LUZP2: variants seen among roughly 807,000 people sequenced by gnomAD.
LUZP2 encodes the protein leucine zipper protein 2.
A neutral mutation model predicts 51.6 loss-of-function variants in LUZP2; 52 were observed. That is an observed-to-expected ratio of 1.01 (90% CI 0.81 to 1.27). The LOEUF is 1.27. Among genes scored for constraint, LUZP2 ranks in the 50% most tolerant of loss-of-function variants. The pLI is 0.00. For synonymous variants in LUZP2, 154 were observed against 137.3 expected (o/e 1.12, Z -0.85); for missense variants, 436 against 395.4 (o/e 1.10, Z -0.87).
intron 5 of LUZP2, among the ~76,000 whole-genome samples, chr11:24,887,124 C>T (rs183167986): frequency 5.9e-5 from 9 of 152,228 alleles, no homozygotes; most frequent in East Asian, 3.9e-4. Context: ...CTGCTGGGAA[C>T]GCTATGGACC....
chr11:24,815,158 CT>C (rs1850141941), intron 5 of LUZP2, among the ~76,000 whole-genome samples: 1 of 152,004 alleles, frequency 6.6e-6, no homozygotes, highest in Non-Finnish European at 1.5e-5. Context: ...GTGTTCAATT[CT>C]TCATAATTAA....
intron 9 of LUZP2, among the ~76,000 whole-genome samples, chr11:25,005,091 A>T (rs1856797035): frequency 6.6e-6 from 1 of 152,130 alleles, no homozygotes; most frequent in Admixed American, 6.5e-5. Flanking sequence ...GGGAGAAGGG[A>T]CATGTACCCA....
chr11:24,602,076 A>ATATATGTATATATGTG (rs1853690309), intron 1 of LUZP2, among the ~76,000 whole-genome samples: 3 of 125,204 alleles, frequency 2.4e-5, no homozygotes, highest in African/African-American at 1.0e-4. Flanking sequence ...ATATATGCGT[A>ATATATGTATATATGTG]TATATGTGTA....
At chr11:24,795,966 T>G (rs577293067) in intron 5 of LUZP2, among the ~76,000 whole-genome samples, 1 of 152,244 alleles carries the variant, frequency 6.6e-6, no homozygotes, top group African/African-American at 2.4e-5. Context: ...CAAGAACTTC[T>G]CAGGTGATCC....
chr11:24,953,087 A>G (rs1341574692), intron 7 of LUZP2, among the ~76,000 whole-genome samples: 1 of 151,992 alleles, frequency 6.6e-6, no homozygotes. Context: ...AAATGCATTA[A>G]AATAAATTTA....
intron 5 of LUZP2, among the ~76,000 whole-genome samples, chr11:24,875,058 A>G (rs1048096296): frequency 6.6e-6 from 1 of 151,998 alleles, no homozygotes; most frequent in Non-Finnish European, 1.5e-5. Flanking sequence ...AGCCCCTTTC[A>G]ATTTGTATCC....
intron 1 of LUZP2, among the ~76,000 whole-genome samples, chr11:24,528,662 T>C (rs1850895858): frequency 6.6e-6 from 1 of 151,200 alleles, no homozygotes; most frequent in South Asian, 2.1e-4. Flanking sequence ...CTTTACCCTC[T>C]GATCATTTTC....
At chr11:24,915,964 A>G (rs141547322) in intron 7 of LUZP2, among the ~76,000 whole-genome samples, 1 of 152,256 alleles carries the variant, frequency 6.6e-6, no homozygotes, top group East Asian at 1.9e-4. Context: ...GGATATGTTC[A>G]ATTTTGAATA....
rs545207471 is a variant in LUZP2 at position 24,746,643 on chromosome 11, G to T, written c.333+8341G>T. Among the ~76,000 whole-genome samples the T allele has an allele frequency of 3.6e-4, 55 of 152,204 alleles. No individual in the cohort carries two copies. The East Asian group carries it at 9.3e-3, about 26-fold the overall frequency. On this transcript the variant is annotated intron_variant, in intron 4 of 11. Coordinates refer to ENST00000336930, the MANE Select transcript of LUZP2 (RefSeq NM_001009909.4). Reference sequence around the variant, plus strand: ...TTTCTTCAATTATTCCCCCAAATAGGTTTTCCAAACTTTTAGATTTATCTT... The same window carrying T: ...TTTCTTCAATTATTCCCCCAAATAGTTTTTCCAAACTTTTAGATTTATCTT...
intron 5 of LUZP2, among the ~76,000 whole-genome samples, chr11:24,797,462 A>G (rs1243309498): frequency 1.3e-5 from 2 of 152,196 alleles, no homozygotes; most frequent in East Asian, 3.9e-4. Context: ...TGCAAGGGAC[A>G]TAATTATCCC....
At chr11:24,958,600 GT>G (rs1259157291) in intron 7 of LUZP2, among the ~76,000 whole-genome samples, 1 of 151,538 alleles carries the variant, frequency 6.6e-6, no homozygotes, top group Non-Finnish European at 1.5e-5. Context: ...TGATGGGGTT[GT>G]TTGTTTTTTT....
intron 6 of LUZP2, 76 bp from the exon 7 acceptor site, chr11:24,914,400 A>C: frequency 9.3e-7 from 1 of 1,070,408 alleles, no homozygotes; most frequent in South Asian, 1.3e-5. Flanking sequence ...ATTCCTGTGA[A>C]GTCTGAAAGT....
chr11:25,010,677 C>T (rs1051058681), intron 9 of LUZP2, among the ~76,000 whole-genome samples: 7 of 123,030 alleles, frequency 5.7e-5, no homozygotes, highest in African/African-American at 1.5e-4. Flanking sequence ...GGTGAAACCC[C>T]ATCTCTACAA....
chr11:24,717,142 A>G (rs1203939445), intron 1 of LUZP2, among the ~76,000 whole-genome samples: 1 of 151,570 alleles, frequency 6.6e-6, no homozygotes, highest in East Asian at 1.9e-4. Flanking sequence ...CTCTAACTAG[A>G]TTGATAAACA....
intron 1 of LUZP2, among the ~76,000 whole-genome samples, chr11:24,546,891 A>G (rs1003111254): frequency 8.6e-5 from 13 of 151,266 alleles, no homozygotes; most frequent in African/African-American, 3.2e-4. Context: ...TCAGCTGTGA[A>G]TCTATCTGGT....
chr11:24,753,799 C>A (rs1334748672), intron 4 of LUZP2, among the ~76,000 whole-genome samples: 1 of 152,104 alleles, frequency 6.6e-6, no homozygotes. Context: ...GGGACCCTGG[C>A]CTTTCTGTCA....
chr11:24,665,885 T>A (rs76914983), intron 1 of LUZP2, among the ~76,000 whole-genome samples: 4,655 of 152,246 alleles, frequency 0.031, 230 homozygotes, highest in African/African-American at 0.11. Flanking sequence ...AATACAATAG[T>A]AATTCATTAT....
intron 7 of LUZP2, among the ~76,000 whole-genome samples, chr11:24,937,623 C>T (rs1032204502): frequency 2.0e-5 from 3 of 152,156 alleles, no homozygotes; most frequent in East Asian, 3.9e-4. Context: ...CATATGTGGC[C>T]GGGCGCGGTG....
At chr11:24,983,815 G>T (rs201973546) in intron 9 of LUZP2, among the ~76,000 whole-genome samples, 1 of 23,808 alleles carries the variant, frequency 4.2e-5, no homozygotes, top group East Asian at 8.8e-4. Flanking sequence ...TATTAAATTA[G>T]ATTTTTTTTT....
Sources: allele counts gnomAD v4.1 joint callset (sites outside exome capture counted in the v4.1 genomes callset), GRCh38; gene constraint gnomAD v4.1.1; transcripts MANE v1.5; gene names NCBI Gene and HGNC (gene_info 2026-07-23, HGNC 2026-07-21).